CIB1: variants seen among roughly 807,000 people sequenced by gnomAD.
CIB1 encodes calcium and integrin binding 1.
In CIB1, 19 loss-of-function variants were observed where a neutral mutation model predicts 25.0. That is an observed-to-expected ratio of 0.76 (90% CI 0.53 to 1.12). The LOEUF (loss-of-function observed/expected upper bound fraction) is 1.12. CIB1 is among the 50% of genes most tolerant of loss of function. The probability of loss-of-function intolerance (pLI) is 0.00; values close to 1 mark genes in which losing one functional copy is unlikely to be tolerated. For missense variants in CIB1, 236 were observed against 242.6 expected, an observed-to-expected ratio of 0.97 and a Z score of 0.18; for synonymous variants, 104 against 98.5, an observed-to-expected ratio of 1.06 and a Z score of -0.33.
the CIB1 span, among the ~76,000 whole-genome samples, chr15:90,253,078 T>G: frequency 6.6e-6 from 1 of 152,166 alleles, no homozygotes; most frequent in Non-Finnish European, 1.5e-5. Flanking sequence ...TGACAGCCCC[T>G]AAGAACTTGA....
chr15:90,251,939 A>C, the CIB1 span, among the ~76,000 whole-genome samples: 1 of 152,000 alleles, frequency 6.6e-6, no homozygotes, highest in Non-Finnish European at 1.5e-5. Flanking sequence ...CAGTATTGCA[A>C]TCATAGCTTA....
At chr15:90,240,941 C>T in the CIB1 span, 3 of 1,614,000 alleles carry the variant, frequency 1.9e-6, no homozygotes, top group South Asian at 3.3e-5. Flanking sequence ...ACGAAACTTC[C>T]TATTTGCTGC....
At chr15:90,265,471 A>T in the CIB1 span, 1 of 1,371,188 alleles carries the variant, frequency 7.3e-7, no homozygotes, top group Non-Finnish European at 9.4e-7. Flanking sequence ...AAGTTTATGC[A>T]GTTTTCCAGG....
the CIB1 span, chr15:90,264,127 A>C: frequency 3.1e-6 from 3 of 976,508 alleles, no homozygotes; most frequent in Non-Finnish European, 3.0e-6. Context: ...TAGAGCTTGG[A>C]TGCCCCTAAA....
chr15:90,240,846 A>G, the CIB1 span: 1 of 1,076,880 alleles, frequency 9.3e-7, no homozygotes. Flanking sequence ...ATACAATGAC[A>G]ATCTCTGGAG....
the CIB1 span, chr15:90,257,289 G>A: frequency 3.4e-5 from 55 of 1,607,224 alleles, no homozygotes; most frequent in Non-Finnish European, 3.5e-5. Context: ...CTGGTAAGGG[G>A]ACTGGGAAGC....
the CIB1 span, chr15:90,262,567 C>T: frequency 5.2e-6 from 8 of 1,534,692 alleles, no homozygotes; most frequent in Non-Finnish European, 7.0e-6. Context: ...AGGCCAGGGA[C>T]CAGAACCAGG....
chr15:90,263,825 C>A, the CIB1 span: 2 of 734,164 alleles, frequency 2.7e-6, no homozygotes, highest in Admixed American at 4.0e-5. Flanking sequence ...GGGGCTGCCA[C>A]AGAGCAGGGC....
chr15:90,240,608 T>G, the CIB1 span, among the ~76,000 whole-genome samples: 1 of 150,966 alleles, frequency 6.6e-6, no homozygotes, highest in Admixed American at 6.6e-5. Context: ...ATGTCAGGAG[T>G]TCAAGACCAG....
the CIB1 span, chr15:90,256,283 C>G: frequency 5.6e-6 from 9 of 1,614,164 alleles, no homozygotes; most frequent in Non-Finnish European, 7.6e-6. Flanking sequence ...GATCTGCCAG[C>G]AATACATCTC....
intron 2 of CIB1, among the ~76,000 whole-genome samples, chr15:90,232,664 TGGGAGGCCAA>T (rs1962525322): frequency 1.3e-5 from 2 of 152,134 alleles, no homozygotes; most frequent in Admixed American, 1.3e-4. Flanking sequence ...CCCAGCACTT[TGGGAGGCCAA>T]GGCGGGCGGA....
the CIB1 span, chr15:90,259,020 G>T: frequency 2.5e-6 from 4 of 1,597,388 alleles, no homozygotes; most frequent in South Asian, 1.1e-5. Context: ...GGGCTGATTT[G>T]CTATCAAAAA....
At chr15:90,251,499 G>A in the CIB1 span, 1 of 1,516,110 alleles carries the variant, frequency 6.6e-7, no homozygotes, top group South Asian at 1.1e-5. Context: ...CTTTTCATCT[G>A]AGTACCTGTC....
the CIB1 span, chr15:90,257,420 G>C: frequency 1.8e-5 from 24 of 1,316,694 alleles, no homozygotes; most frequent in Non-Finnish European, 2.5e-5. Flanking sequence ...CTAGCTGGGA[G>C]GCAAGTGTTT....
At chr15:90,241,577 C>A in the CIB1 span, 9 of 1,613,416 alleles carry the variant, frequency 5.6e-6, 1 homozygote, top group South Asian at 9.9e-5. Context: ...ATGGCTATTA[C>A]CTGGCCCACA....
intron 3 of CIB1, among the ~76,000 whole-genome samples, chr15:90,231,920 G>A (rs776289276): frequency 9.2e-5 from 14 of 152,232 alleles, no homozygotes; most frequent in Admixed American, 2.0e-4. Flanking sequence ...GTGGCAATCA[G>A]CCTCTAGAAC....
At position 90,230,288 on chromosome 15, in the gene CIB1, C is replaced by A; in HGVS notation, c.*196G>T. 1 of 628,752 alleles carries A rather than the reference C, an allele frequency of 1.6e-6. No homozygotes were observed. The highest frequency in any genetic ancestry group is 2.9e-6 in the Non-Finnish European group (1 of 349,630). 38.9% of individuals were successfully genotyped at this position (628,752 alleles called of 1,614,324 possible). ...CCTTTATTACTGATTAGTACAAACA[C>A]AAACGGAGCAATGACAACAGCAGTG... On this transcript the variant is annotated 3_prime_UTR_variant, in exon 7 of 7. Coordinates refer to ENST00000328649, the MANE Select transcript of CIB1 (RefSeq NM_006384.4).
chr15:90,233,761 G>A (rs1387900989), intron 1 of CIB1, 58 bp from the exon 2 acceptor site: 2 of 1,552,656 alleles, frequency 1.3e-6, no homozygotes, highest in African/African-American at 1.4e-5. Context: ...CGGCCGCCCC[G>A]CAGCCAGCTC....
chr15:90,241,982 C>T, the CIB1 span: 1 of 1,614,198 alleles, frequency 6.2e-7, no homozygotes, highest in Non-Finnish European at 8.5e-7. Flanking sequence ...CTGTGGCCCT[C>T]ATTCAGGACT....
Sources: gnomAD v4.1 joint callset for allele counts (sites outside exome capture counted in the v4.1 genomes callset) on GRCh38, gnomAD v4.1.1 for gene constraint, MANE v1.5 for transcripts, NCBI Gene and HGNC (gene_info 2026-07-23, HGNC 2026-07-21) for gene names.